The following ST3GAL1 variants were observed in gnomAD, a reference collection of about 807,000 sequenced individuals.
The protein encoded by ST3GAL1 is ST3 beta-galactoside alpha-2,3-sialyltransferase 1.
Under a neutral mutation model 34.1 loss-of-function variants are expected in ST3GAL1, and 16 were observed. That is an observed-to-expected ratio of 0.47 (90% CI 0.32 to 0.71). The LOEUF (loss-of-function observed/expected upper bound fraction) is 0.71. Among genes scored for constraint, ST3GAL1 ranks in the 30% least tolerant of loss-of-function variants. The pLI, the probability that ST3GAL1 is intolerant of heterozygous loss-of-function variation, is 0.04. For missense variants in ST3GAL1, 353 were observed against 447.4 expected, an observed-to-expected ratio of 0.79 and a Z score of 1.90; for synonymous variants, 191 against 184.7, an observed-to-expected ratio of 1.03 and a Z score of -0.28.
At chr8:133,496,760 G>A (rs892376982) in intron 3 of ST3GAL1, among the ~76,000 whole-genome samples, 2 of 152,132 alleles carry the variant, frequency 1.3e-5, no homozygotes, top group Non-Finnish European at 2.9e-5. Flanking sequence ...CGGCCATAAT[G>A]GGCTCAATCC....
rs1816163804 is a variant in ST3GAL1, at chr8:133,475,989, G to T, written c.36C>A (p.Leu12=). Residue 12 remains leucine, a synonymous_variant, in exon 5 of 10, where the codon CTC becomes CTA. Coordinates refer to ENST00000522652, the MANE Select transcript of ST3GAL1 (RefSeq NM_173344.3). Reference sequence around the variant, plus strand: ...GGAAGATGAAGAGCACGAGGAAGGTGAGCACTTTCAGGGTCCTCTTCCGCA... The same window carrying T: ...GGAAGATGAAGAGCACGAGGAAGGTTAGCACTTTCAGGGTCCTCTTCCGCA... ...VTLRKRTLKV[L]TFLVLFIFLT... is the part of the protein sequence containing the mutation. 1 of 1,610,158 alleles carries T rather than the reference G, an allele frequency of 6.2e-7. No homozygotes were observed. Among genetic ancestry groups the T allele is most frequent in the Admixed American group, 1.7e-5 (1 of 59,740 alleles).
At chr8:133,512,432 A>T in intron 2 of ST3GAL1, among the ~76,000 whole-genome samples, 1 of 152,236 alleles carries the variant, frequency 6.6e-6, no homozygotes, top group East Asian at 1.9e-4. Context: ...GATGGTGCCC[A>T]TTCAGATTGA....
intron 3 of ST3GAL1, among the ~76,000 whole-genome samples, chr8:133,477,298 T>C (rs893566615): frequency 1.3e-5 from 2 of 152,226 alleles, no homozygotes; most frequent in South Asian, 4.1e-4. Flanking sequence ...TTCTTCAACA[T>C]GTGAATGAAT....
intron 2 of ST3GAL1, among the ~76,000 whole-genome samples, chr8:133,538,851 A>C (rs553195178): frequency 6.6e-6 from 1 of 152,318 alleles, no homozygotes; most frequent in East Asian, 1.9e-4. Context: ...GGAGGCAGCA[A>C]GGGGACTGGG....
intron 5 of ST3GAL1, among the ~76,000 whole-genome samples, chr8:133,472,545 A>G (rs1049266837): frequency 1.3e-5 from 2 of 152,254 alleles, no homozygotes; most frequent in African/African-American, 2.4e-5. Context: ...AAGCAGAGCA[A>G]TGGCGCAGCC....
In ST3GAL1 at chr8:133,557,632, G is replaced by A. The variant is rs576230437; in HGVS notation, c.-581-11706C>T. ...TGGGAGGCCAAGGCAGGCAGATCATGAGGTCAAGAGTTTGAGACTAGCCTG... is the reference window on the plus strand; with the variant it reads ...TGGGAGGCCAAGGCAGGCAGATCATAAGGTCAAGAGTTTGAGACTAGCCTG... On this transcript the variant is annotated intron_variant, in intron 1 of 9. Transcript: ENST00000522652. Among the ~76,000 whole-genome samples, 112 of 152,278 alleles carry A rather than the reference G, an allele frequency of 7.4e-4. 1 individual carries two copies. The highest frequency in any genetic ancestry group is 2.6e-3 in the African/African-American group (110 of 41,554).
chr8:133,497,179 T>C (rs573891919), intron 3 of ST3GAL1, among the ~76,000 whole-genome samples: 4 of 152,336 alleles, frequency 2.6e-5, no homozygotes, highest in East Asian at 1.9e-4. Context: ...AGGTCAGCAG[T>C]GTAGTTGCCA....
intron 1 of ST3GAL1, among the ~76,000 whole-genome samples, chr8:133,551,494 A>C (rs957689793): frequency 6.6e-6 from 1 of 150,940 alleles, no homozygotes; most frequent in Non-Finnish European, 1.5e-5. Flanking sequence ...AAGAAAGAGA[A>C]AGAAAGAGAC....
intron 2 of ST3GAL1, among the ~76,000 whole-genome samples, chr8:133,510,390 C>T (rs1817470109): frequency 6.6e-6 from 1 of 152,154 alleles, no homozygotes; most frequent in African/African-American, 2.4e-5. Flanking sequence ...TTGGTGAATA[C>T]CTGCTGCACA....
chr8:133,563,149 C>A (rs1426640141), intron 1 of ST3GAL1, among the ~76,000 whole-genome samples: 9 of 152,040 alleles, frequency 5.9e-5, no homozygotes, highest in Admixed American at 4.6e-4. Context: ...GTAGCAAAAT[C>A]TATTACAGTG....
At chr8:133,555,508 G>T (rs79508204) in intron 1 of ST3GAL1, among the ~76,000 whole-genome samples, 1 of 151,924 alleles carries the variant, frequency 6.6e-6, no homozygotes, top group Non-Finnish European at 1.5e-5. Context: ...TGGGACATTC[G>T]TCCTGCCCTC....
chr8:133,531,620 A>C (rs1367010358), intron 2 of ST3GAL1, among the ~76,000 whole-genome samples: 1 of 152,006 alleles, frequency 6.6e-6, no homozygotes, highest in African/African-American at 2.4e-5. Flanking sequence ...GTGAAAACAC[A>C]TGGACACAGG....
At chr8:133,505,725 C>G (rs1031572122) in intron 2 of ST3GAL1, among the ~76,000 whole-genome samples, 5 of 151,916 alleles carry the variant, frequency 3.3e-5, no homozygotes, top group Admixed American at 3.3e-4. Flanking sequence ...GCCTCAGTCT[C>G]CTGAGTAGCT....
intron 2 of ST3GAL1, among the ~76,000 whole-genome samples, chr8:133,516,939 T>C (rs750615760): frequency 2.0e-5 from 3 of 152,234 alleles, no homozygotes; most frequent in African/African-American, 4.8e-5. Context: ...CAGAAAGAGA[T>C]AGAGTTGATC....
intron 3 of ST3GAL1, among the ~76,000 whole-genome samples, chr8:133,481,695 C>T (rs1411296926): frequency 6.6e-6 from 1 of 151,968 alleles, no homozygotes; most frequent in Non-Finnish European, 1.5e-5. Flanking sequence ...GAGGTTTCTC[C>T]ATGTTGGTCA....
At chr8:133,489,679 C>T (rs1816729330) in intron 3 of ST3GAL1, 1 of 152,304 alleles carries the variant, frequency 6.6e-6, no homozygotes, top group South Asian at 2.1e-4. Context: ...GCCTGTCCCC[C>T]AAGCTCCCTG....
At chr8:133,567,817 G>T (rs1458981677) in intron 1 of ST3GAL1, among the ~76,000 whole-genome samples, 1 of 152,192 alleles carries the variant, frequency 6.6e-6, no homozygotes, top group African/African-American at 2.4e-5. Context: ...GGGTTTTGAG[G>T]ATGATGCTGG....
intron 2 of ST3GAL1, among the ~76,000 whole-genome samples, chr8:133,515,019 G>A (rs1405941699): frequency 2.0e-5 from 3 of 152,146 alleles, no homozygotes; most frequent in Admixed American, 1.3e-4. Flanking sequence ...TCACAGCCCA[G>A]ATGACCTGCC....
intron 5 of ST3GAL1, among the ~76,000 whole-genome samples, chr8:133,470,380 T>C (rs1050902163): frequency 4.6e-5 from 7 of 151,494 alleles, no homozygotes; most frequent in Non-Finnish European, 1.0e-4. Context: ...GATCACGCCA[T>C]TGCACTCCAG....
Sources: allele counts gnomAD v4.1 joint callset (sites outside exome capture counted in the v4.1 genomes callset), GRCh38; gene constraint gnomAD v4.1.1; transcripts MANE v1.5; gene names NCBI Gene and HGNC (gene_info 2026-07-23, HGNC 2026-07-21).